Variants in MEGF6 observed in about 807,000 individuals in gnomAD.
The protein encoded by MEGF6 is multiple epidermal growth factor-like domains protein 6.
In MEGF6, 184 loss-of-function variants were observed where a neutral mutation model predicts 207.1. The observed-to-expected ratio is 0.89, with a 90% CI of 0.79 to 1.00. MEGF6 has a LOEUF of 1.00. Among genes scored for constraint, MEGF6 ranks in the 50% least tolerant of loss-of-function variants. The probability of loss-of-function intolerance (pLI) is 0.00; values close to 1 mark genes in which losing one functional copy is unlikely to be tolerated. For synonymous variants in MEGF6, 1,038 were observed against 910.0 expected (o/e 1.14, Z -2.53); for missense variants, 2,282 against 2,202.9 (o/e 1.04, Z -0.72).
At position 3,499,206 on chromosome 1, in the gene MEGF6, G is replaced by A. The variant is rs769936590; in HGVS notation, c.3026C>T (p.Ala1009Val). ...CSQACACFNG[A>V]SCDPVHGQCH... ...CTGCCCGTGGACAGGGTCACAGGAG[G>A]CCCCGTTAAAGCAGGCACAGGCCTG... Residue 1009 changes from alanine to valine, a missense_variant, in exon 24 of 37, where the codon GCC (alanine) becomes GTC (valine). By Grantham distance (64) the Ala-to-Val change is moderately conservative. Transcript: ENST00000356575. 13 of 1,604,730 alleles carry A rather than the reference G, an allele frequency of 8.1e-6. No individual in the cohort carries two copies. Among genetic ancestry groups the A allele is most frequent in the Non-Finnish European group, 4.2e-6 (5 of 1,176,908 alleles).
At chr1:3,598,203 G>A (rs1644099515) in intron 2 of MEGF6, among the ~76,000 whole-genome samples, 1 of 152,174 alleles carries the variant, frequency 6.6e-6, no homozygotes, top group African/African-American at 2.4e-5. Context: ...AGGCAGCCGG[G>A]CTGCCGTCTC....
chr1:3,601,035 C>A lies in MEGF6; in HGVS notation c.266+1431G>T, dbSNP rs151138447. 3.1e-3 allele frequency among the ~76,000 whole-genome samples: 467 copies of A among 152,274 alleles called. 3 individuals carry two copies. The highest frequency in any genetic ancestry group is 1.0e-2 in the African/African-American group (415 of 41,560). ...GAGGGGATCCCCTGCCAGTGCCCCC[C>A]CCTCCAAGCAGGGGGACTTTGTCCA... is the stretch of plus-strand genomic sequence containing the variant. On this transcript the variant is annotated intron_variant, in intron 2 of 36. Transcript: ENST00000356575.
intron 2 of MEGF6, among the ~76,000 whole-genome samples, 199 bp downstream of exon 2, chr1:3,602,267 A>T (rs1644171988): frequency 6.6e-6 from 1 of 152,200 alleles, no homozygotes. Context: ...GGAGAGGGCT[A>T]CAGCATGTGA....
rs1303439039 is a variant in MEGF6, at chr1:3,560,877, G to A, written c.481+18948C>T. 8 of 442,318 alleles carry A rather than the reference G, an allele frequency of 1.8e-5. No individual in the cohort carries two copies. Among genetic ancestry groups the A allele is most frequent in the South Asian group, 8.3e-5 (5 of 60,350 alleles). 27.4% of individuals were successfully genotyped at this position (442,318 alleles called of 1,614,324 possible). A position where few individuals can be genotyped will look rare whatever the true frequency, so the allele number is the denominator to read the frequency against. ...GCTGGCTGGTCCCCCAGGTCTCTAC[G>A]CGAAGGGGGTGCTGGGCTCTACCCC... On this transcript the variant is annotated intron_variant, in intron 4 of 36. Transcript: ENST00000356575. The surrounding 1 kb of genome is among the most constrained non-coding windows in gnomAD (Gnocchi z 4.0).
chr1:3,561,873 T>A (rs1643212546), intron 4 of MEGF6, among the ~76,000 whole-genome samples: 1 of 152,234 alleles, frequency 6.6e-6, no homozygotes, highest in Non-Finnish European at 1.5e-5. Context: ...GGGAGGGGGC[T>A]TTTCGTTCCC....
intron 4 of MEGF6, among the ~76,000 whole-genome samples, chr1:3,555,787 A>G (rs1643015972): frequency 6.6e-6 from 1 of 152,244 alleles, no homozygotes; most frequent in Non-Finnish European, 1.5e-5. Context: ...AAGCCGGGCC[A>G]GCGGCGGCAT....
At chr1:3,582,487 C>A (rs2794336) in intron 3 of MEGF6, among the ~76,000 whole-genome samples, 130,843 of 152,148 alleles carry the variant, frequency 0.86, 56,561 homozygotes, top group Middle Eastern at 0.92. Flanking sequence ...CACCGTCATC[C>A]CCTGCCCTCT....
At position 3,500,956 on chromosome 1, in the gene MEGF6, G is replaced by C; in HGVS notation, c.2575+10C>G. 1 of 1,611,140 alleles carries C rather than the reference G, an allele frequency of 6.2e-7. No homozygotes were observed. The highest frequency in any genetic ancestry group is 8.5e-7 in the Non-Finnish European group (1 of 1,179,910). Reference sequence around the variant, plus strand: ...TGTCTGGACAAAGGGCAAGCCAAGGGCCCCCGTACCTCTCTGGCAGCTAAA... The same window carrying C: ...TGTCTGGACAAAGGGCAAGCCAAGGCCCCCCGTACCTCTCTGGCAGCTAAA... On this transcript the variant is annotated intron_variant, in intron 20 of 36. Coordinates refer to ENST00000356575, the MANE Select transcript of MEGF6 (RefSeq NM_001409.4).
chr1:3,541,077 G>A (rs776697689), intron 4 of MEGF6, among the ~76,000 whole-genome samples: 2 of 152,290 alleles, frequency 1.3e-5, no homozygotes, highest in Non-Finnish European at 2.9e-5. Context: ...CGCAGGCTGG[G>A]GCCCTGGACT....
At chr1:3,533,246 A>G (rs1642230043) in intron 4 of MEGF6, among the ~76,000 whole-genome samples, 1 of 152,190 alleles carries the variant, frequency 6.6e-6, no homozygotes, top group Admixed American at 6.5e-5. Flanking sequence ...CCTGTCTGCC[A>G]TCCAGAGGCC....
chr1:3,494,850 C>G, intron 30 of MEGF6, 109 bp from the exon 31 acceptor site: 1 of 1,418,734 alleles, frequency 7.0e-7, no homozygotes, highest in South Asian at 1.5e-5. Context: ...TCCTGAGGCC[C>G]ATCAGTGCCA....
At chr1:3,621,945 C>A in the MEGF6 span, among the ~76,000 whole-genome samples, 13 of 152,182 alleles carry the variant, frequency 8.5e-5, no homozygotes, top group Admixed American at 3.9e-4. Flanking sequence ...GACCATTTAC[C>A]GAGTGCCAGT....
chr1:3,587,517 G>A (rs1366696113), intron 3 of MEGF6, among the ~76,000 whole-genome samples: 1 of 152,258 alleles, frequency 6.6e-6, no homozygotes. Context: ...TGTATAGTTT[G>A]CAATGTTGAC....
In MEGF6 at chr1:3,493,811, G is replaced by A. The variant is rs1165540769; in HGVS notation, c.4347C>T (p.Cys1449=). ...GAPCDPVTGL[C]LCPPGRSGAT... Reference sequence around the variant, plus strand: ...CTCCTGAGCGCCCTGGTGGGCAAAGGCAGAGACCGGTGACAGGGTCACAGG... The same window carrying A: ...CTCCTGAGCGCCCTGGTGGGCAAAGACAGAGACCGGTGACAGGGTCACAGG... Residue 1449 remains cysteine (C), a synonymous_variant, in exon 34 of 37, where the codon TGC becomes TGT. Coordinates refer to ENST00000356575, the MANE Select transcript of MEGF6 (RefSeq NM_001409.4). The A allele has an allele frequency of 1.1e-5, 18 of 1,610,600 alleles. No individual in the cohort carries two copies. Among genetic ancestry groups the A allele is most frequent in the African/African-American group, 8.0e-5 (6 of 74,846 alleles).
chr1:3,570,931 C>A (rs1437646980), intron 4 of MEGF6, among the ~76,000 whole-genome samples: 1 of 152,172 alleles, frequency 6.6e-6, no homozygotes, highest in Non-Finnish European at 1.5e-5. Flanking sequence ...AGGGACAGGG[C>A]CCCAGGGAGG....
rs59777027 is a variant in MEGF6 at position 3,538,178 on chromosome 1, A to G, written c.482-13932T>C. Among the ~76,000 whole-genome samples, 1,352 of 152,320 alleles carry G rather than the reference A, an allele frequency of 8.9e-3. 20 individuals are homozygous for G. The highest frequency in any genetic ancestry group is 0.031 in the African/African-American group (1,283 of 41,570). On this transcript the variant is annotated intron_variant, in intron 4 of 36. Transcript: ENST00000356575. The stretch of plus-strand genomic sequence containing the variant: ...TTCCAACCGTTGACCTCCAGAGCCC[A>G]GCCCAGAGCAGGAGGTCCATTTGTG...
At position 3,575,371 on chromosome 1, in the gene MEGF6, C is replaced by T. The variant is rs543186156; in HGVS notation, c.481+4454G>A. On this transcript the variant is annotated intron_variant, in intron 4 of 36. Transcript: ENST00000356575. Reference sequence around the variant, plus strand: ...GGGAGGGGGTCTTTAGAGTCCCCCTCGCTCCTTTGCAGACCCACAGGGCAA... The same window carrying T: ...GGGAGGGGGTCTTTAGAGTCCCCCTTGCTCCTTTGCAGACCCACAGGGCAA... Among the ~76,000 whole-genome samples, 19 of 152,242 alleles carry T rather than the reference C, an allele frequency of 1.2e-4. No individual in the cohort carries two copies. In the East Asian group the frequency reaches 1.7e-3, roughly 14 times the overall value.
At chr1:3,521,432 G>A (rs1641742219) in intron 5 of MEGF6, among the ~76,000 whole-genome samples, 1 of 152,198 alleles carries the variant, frequency 6.6e-6, no homozygotes, top group Non-Finnish European at 1.5e-5. Flanking sequence ...CCCAGGCCGA[G>A]CTGCCGCAGG....
At chr1:3,579,984 G>A in intron 3 of MEGF6, 55 bp from the exon 4 acceptor site, 1 of 1,315,558 alleles carries the variant, frequency 7.6e-7, no homozygotes, top group Non-Finnish European at 1.0e-6. Context: ...GAGGCAGGGG[G>A]AGGTGAGGCC....
Sources: allele counts gnomAD v4.1 joint callset (sites outside exome capture counted in the v4.1 genomes callset), GRCh38; gene constraint gnomAD v4.1.1; non-coding constraint Gnocchi (gnomAD v3.1); transcripts MANE v1.5; gene names NCBI Gene and HGNC (gene_info 2026-07-23, HGNC 2026-07-21).